The following SCML4 variants were observed in gnomAD, a reference collection of about 807,000 sequenced individuals.
SCML4 encodes Scm polycomb group protein like 4.
SCML4 carries 34 observed loss-of-function variants against 41.1 expected under a neutral mutation model. The ratio of observed to expected loss-of-function variants is 0.83; its 90% CI spans 0.63 to 1.10. The LOEUF (loss-of-function observed/expected upper bound fraction) is 1.10, where lower values mean the gene tolerates loss of function less well. Among genes scored for constraint, SCML4 ranks in the 50% least tolerant of loss-of-function variants. The probability of loss-of-function intolerance (pLI) is 0.00; values close to 1 mark genes in which losing one functional copy is unlikely to be tolerated. For missense variants in SCML4, 522 were observed against 534.1 expected, an observed-to-expected ratio of 0.98 and a Z score of 0.22; for synonymous variants, 214 against 220.9, an observed-to-expected ratio of 0.97 and a Z score of 0.28.
intron 1 of SCML4, among the ~76,000 whole-genome samples, chr6:107,817,229 G>A (rs563109241): frequency 2.0e-5 from 3 of 152,250 alleles, no homozygotes; most frequent in East Asian, 3.9e-4. Context: ...GTGGTCCCAA[G>A]CCAATGAATA....
chr6:107,796,860 G>A (rs1030812198), intron 1 of SCML4, among the ~76,000 whole-genome samples: 1 of 152,104 alleles, frequency 6.6e-6, no homozygotes, highest in Admixed American at 6.5e-5. Flanking sequence ...TGTATGATGT[G>A]AGATAAGGCT....
intron 2 of SCML4, among the ~76,000 whole-genome samples, chr6:107,754,929 C>A (rs778559518): frequency 6.6e-6 from 1 of 152,078 alleles, no homozygotes; most frequent in Non-Finnish European, 1.5e-5. Flanking sequence ...ATAGTGATAT[C>A]TCTTTTGTAC....
Position 107,703,899 on chromosome 6 carries a change from C to T in SCML4, c.*1301G>A, listed in dbSNP as rs774190483. ...TCATTTTGAAGATATGTTTTCTGCTCAGTGTGAAAGAAGAAGAAGAGAGGT... is the reference window on the plus strand; with the variant it reads ...TCATTTTGAAGATATGTTTTCTGCTTAGTGTGAAAGAAGAAGAAGAGAGGT... On this transcript the variant is annotated 3_prime_UTR_variant, in exon 8 of 8. Coordinates refer to ENST00000369020, the MANE Select transcript of SCML4 (RefSeq NM_198081.5). Among the ~76,000 whole-genome samples, 1 of 152,146 alleles carries T rather than the reference C, an allele frequency of 6.6e-6. No individual in the cohort carries two copies. Among genetic ancestry groups the T allele is most frequent in the Non-Finnish European group, 1.5e-5 (1 of 68,032 alleles).
chr6:107,812,063 G>A (rs1006163475), intron 1 of SCML4, among the ~76,000 whole-genome samples: 4 of 152,186 alleles, frequency 2.6e-5, no homozygotes, highest in Non-Finnish European at 2.9e-5. Flanking sequence ...AGCCAGCAGG[G>A]AGGCTTAACT....
At chr6:107,827,175 GTAATT>G (rs899978201), upstream of SCML4, among the ~76,000 whole-genome samples, 88 of 146,666 alleles carry the variant, frequency 6.0e-4, no homozygotes, top group Non-Finnish European at 1.2e-3. Context: ...ATTAAATTAT[GTAATT>G]TAATAAATTT....
At chr6:107,803,810 G>A (rs376505991) in intron 1 of SCML4, among the ~76,000 whole-genome samples, 2 of 151,260 alleles carry the variant, frequency 1.3e-5, no homozygotes, top group Non-Finnish European at 2.9e-5. Flanking sequence ...TGGATTAAGG[G>A]TGGTGCAAGA....
intron 1 of SCML4, among the ~76,000 whole-genome samples, chr6:107,791,628 T>G (rs9486702): frequency 0.057 from 8,703 of 152,240 alleles, 784 homozygotes; most frequent in African/African-American, 0.19. Flanking sequence ...TGGAACATTG[T>G]CTCCCTAAGA....
Position 107,703,566 on chromosome 6 carries a change from G to A in SCML4, c.*1634C>T, listed in dbSNP as rs547914751. ...TCATCTGGATTCTAACTATATAGAG[G>A]GTCACTCTGCAGATCTACCCAGGGC... On this transcript the variant is annotated 3_prime_UTR_variant, in exon 8 of 8. Transcript: ENST00000369020. Among the ~76,000 whole-genome samples, 3 of 152,234 alleles carry A rather than the reference G, an allele frequency of 2.0e-5. No individual in the cohort carries two copies. In the South Asian group the frequency reaches 6.2e-4, roughly 32 times the overall value.
chr6:107,808,820 T>C (rs1405781305), intron 1 of SCML4, among the ~76,000 whole-genome samples: 1 of 152,204 alleles, frequency 6.6e-6, no homozygotes, highest in Non-Finnish European at 1.5e-5. Context: ...CTCAAGAATA[T>C]TTTAATAATT....
intron 1 of SCML4, among the ~76,000 whole-genome samples, chr6:107,789,122 G>A (rs1583589559): frequency 6.6e-6 from 1 of 152,174 alleles, no homozygotes; most frequent in Non-Finnish European, 1.5e-5. Flanking sequence ...TGGTTCCGCA[G>A]GCTTCACAAG....
intron 1 of SCML4, among the ~76,000 whole-genome samples, chr6:107,806,158 C>T (rs1783706689): frequency 6.7e-6 from 1 of 148,374 alleles, no homozygotes; most frequent in African/African-American, 2.5e-5. Context: ...AGTCCCTTCT[C>T]AACTCAAGGA....
intron 5 of SCML4, among the ~76,000 whole-genome samples, chr6:107,739,590 A>G (rs1777393285): frequency 1.3e-5 from 2 of 152,142 alleles, no homozygotes; most frequent in Admixed American, 6.5e-5. Flanking sequence ...AGATAAGCCC[A>G]TGACCTTACA....
chr6:107,715,681 C>T (rs1774704910), intron 6 of SCML4, among the ~76,000 whole-genome samples: 1 of 152,312 alleles, frequency 6.6e-6, no homozygotes, highest in South Asian at 2.1e-4. Context: ...CCCCTTGGAG[C>T]CCACTGGCAG....
chr6:107,812,049 T>C (rs944160072), intron 1 of SCML4, among the ~76,000 whole-genome samples: 2 of 152,146 alleles, frequency 1.3e-5, no homozygotes, highest in East Asian at 3.8e-4. Context: ...TGATCCTGTG[T>C]GGGAGCCAGC....
chr6:107,754,554 G>T (rs536009708), intron 2 of SCML4, among the ~76,000 whole-genome samples: 1 of 152,302 alleles, frequency 6.6e-6, no homozygotes, highest in East Asian at 1.9e-4. Flanking sequence ...TGACTTCTGG[G>T]ATAACCCTGG....
chr6:107,732,747 A>C (rs1040406202), intron 5 of SCML4, among the ~76,000 whole-genome samples: 1 of 152,092 alleles, frequency 6.6e-6, no homozygotes, highest in Non-Finnish European at 1.5e-5. Context: ...AATTCCCGAG[A>C]GCTGGGGGAG....
At chr6:107,705,437 T>C in intron 7 of SCML4, 112 bp from the exon 8 acceptor site, 1 of 926,434 alleles carries the variant, frequency 1.1e-6, no homozygotes, top group Non-Finnish European at 1.6e-6. Context: ...ATGGATTGAT[T>C]TAGGCAGCAT....
At chr6:107,780,848 A>T (rs1781431663) in intron 1 of SCML4, among the ~76,000 whole-genome samples, 2 of 152,294 alleles carry the variant, frequency 1.3e-5, no homozygotes, top group African/African-American at 4.8e-5. Context: ...AATTTTGAGA[A>T]TATCATCGGT....
At chr6:107,822,113 C>T (rs1583683643) in intron 1 of SCML4, among the ~76,000 whole-genome samples, 1 of 151,856 alleles carries the variant, frequency 6.6e-6, no homozygotes, top group East Asian at 1.9e-4. Flanking sequence ...ATTTTCTCAT[C>T]ATTTCAAATT....
Sources: gnomAD v4.1 joint callset for allele counts (sites outside exome capture counted in the v4.1 genomes callset) on GRCh38, gnomAD v4.1.1 for gene constraint, MANE v1.5 for transcripts, NCBI Gene and HGNC (gene_info 2026-07-23, HGNC 2026-07-21) for gene names.